Variants in TGM6 observed in about 807,000 individuals in gnomAD.
TGM6 encodes the protein protein-glutamine gamma-glutamyltransferase 6.
In TGM6, 74 loss-of-function variants were observed where a neutral mutation model predicts 77.5. The observed-to-expected ratio is 0.96, with a 90% CI of 0.79 to 1.16. The LOEUF (loss-of-function observed/expected upper bound fraction) is 1.16, where lower values mean the gene tolerates loss of function less well. Ranked by LOEUF, TGM6 falls within the 50% of genes most tolerant of loss-of-function variation. TGM6 has a pLI of 0.00. For missense variants in TGM6, 968 were observed against 940.2 expected (o/e 1.03, Z -0.39); for synonymous variants, 383 against 378.9 (o/e 1.01, Z -0.12).
At chr20:2,388,289 C>G (rs536720063) in intron 1 of TGM6, among the ~76,000 whole-genome samples, 1 of 152,140 alleles carries the variant, frequency 6.6e-6, no homozygotes, top group Non-Finnish European at 1.5e-5. Context: ...ACATTTTGAC[C>G]AGCCCTGTCC....
At chr20:2,404,972 T>A (rs1599954340) in intron 9 of TGM6, among the ~76,000 whole-genome samples, 1 of 152,354 alleles carries the variant, frequency 6.6e-6, no homozygotes, top group Middle Eastern at 3.4e-3. Context: ...TCCAGGGAGC[T>A]GTTTCAGTTA....
At chr20:2,401,521 G>C (rs796858825) in intron 7 of TGM6, among the ~76,000 whole-genome samples, 7 of 152,302 alleles carry the variant, frequency 4.6e-5, no homozygotes, top group African/African-American at 1.7e-4. Flanking sequence ...TAAATACACA[G>C]AGTTTTCCTT....
At chr20:2,402,095 A>T (rs1290805963) in intron 7 of TGM6, among the ~76,000 whole-genome samples, 1 of 151,978 alleles carries the variant, frequency 6.6e-6, no homozygotes, top group Non-Finnish European at 1.5e-5. Flanking sequence ...AATTAAAAAA[A>T]ATTAGCCGGG....
At chr20:2,391,632 C>T (rs1265793054) in intron 1 of TGM6, among the ~76,000 whole-genome samples, 7 of 152,094 alleles carry the variant, frequency 4.6e-5, no homozygotes, top group Non-Finnish European at 1.0e-4. Context: ...AGATGTTTGA[C>T]AAGATGAAGC....
In TGM6 at chr20:2,430,389, C is replaced by T. The variant is rs922718785; in HGVS notation, c.1679-57C>T. 3.1e-6 allele frequency: 5 copies of T among 1,600,100 alleles called. No individual in the cohort carries two copies. In the African/African-American group the frequency reaches 6.7e-5, roughly 21 times the overall value. ...AGTTGTGCATTCCCTTCCTTCTTCC[C>T]AGTGCCATTGAAGAAAGACATCAAG... On this transcript the variant is annotated intron_variant, in intron 10 of 12. Transcript: ENST00000202625.
intron 10 of TGM6, among the ~76,000 whole-genome samples, chr20:2,421,593 T>C (rs1474769644): frequency 6.6e-6 from 1 of 152,212 alleles, no homozygotes; most frequent in Non-Finnish European, 1.5e-5. Context: ...TTTGGTGAGG[T>C]GTCCAGGTCT....
intron 9 of TGM6, among the ~76,000 whole-genome samples, chr20:2,404,182 G>C (rs1039363444): frequency 6.6e-6 from 1 of 152,170 alleles, no homozygotes; most frequent in African/African-American, 2.4e-5. Flanking sequence ...TGAACACCTA[G>C]GACAAACGCA....
At chr20:2,424,090 T>C (rs1455634868) in intron 10 of TGM6, among the ~76,000 whole-genome samples, 1 of 152,208 alleles carries the variant, frequency 6.6e-6, no homozygotes, top group East Asian at 1.9e-4. Context: ...AGATTTAGCA[T>C]AATTCTTAAG....
chr20:2,417,020 T>C (rs1439409854), intron 9 of TGM6, among the ~76,000 whole-genome samples: 2 of 152,218 alleles, frequency 1.3e-5, no homozygotes, highest in African/African-American at 4.8e-5. Context: ...CTGAGGCTTT[T>C]GACCCAGCTC....
chr20:2,417,685 A>G, intron 10 of TGM6, 112 bp downstream of exon 10: 2 of 1,237,772 alleles, frequency 1.6e-6, no homozygotes, highest in Non-Finnish European at 2.3e-6. Context: ...AAGGAAGGGG[A>G]CATTCCTGAG....
At chr20:2,414,003 G>A (rs1484956699) in intron 9 of TGM6, among the ~76,000 whole-genome samples, 3 of 152,040 alleles carry the variant, frequency 2.0e-5, no homozygotes, top group Non-Finnish European at 4.4e-5. Context: ...AATGGATAAA[G>A]CACTCTCATC....
chr20:2,420,096 T>C (rs1210744866), intron 10 of TGM6, among the ~76,000 whole-genome samples: 1 of 152,078 alleles, frequency 6.6e-6, no homozygotes, highest in Non-Finnish European at 1.5e-5. Flanking sequence ...TACAAAAAAA[T>C]TAGCCGGGCG....
chr20:2,406,227 A>T (rs2084749395), intron 9 of TGM6, among the ~76,000 whole-genome samples: 1 of 152,158 alleles, frequency 6.6e-6, no homozygotes, highest in Non-Finnish European at 1.5e-5. Context: ...CACCTCTCTG[A>T]TAAGACCTGC....
chr20:2,421,855 G>A (rs1239379746), intron 10 of TGM6, among the ~76,000 whole-genome samples: 3 of 152,126 alleles, frequency 2.0e-5, no homozygotes, highest in Non-Finnish European at 4.4e-5. Context: ...TTACCGGCTG[G>A]ATGTGGTGGC....
At chr20:2,403,935 C>T in intron 9 of TGM6, 112 bp downstream of exon 9, 1 of 1,551,338 alleles carries the variant, frequency 6.4e-7, no homozygotes, top group Non-Finnish European at 8.8e-7. Flanking sequence ...ATGACGCTGA[C>T]AGCAGCTTCC....
intron 1 of TGM6, among the ~76,000 whole-genome samples, chr20:2,381,531 A>AT (rs1249704776): frequency 7.2e-5 from 11 of 152,296 alleles, no homozygotes; most frequent in Admixed American, 3.9e-4. Context: ...TATAATGCAA[A>AT]TTATCTCACA....
chr20:2,386,742 G>C (rs1187400043), intron 1 of TGM6, among the ~76,000 whole-genome samples: 1 of 152,086 alleles, frequency 6.6e-6, no homozygotes, highest in African/African-American at 2.4e-5. Context: ...ACCTCCTCTT[G>C]CCCGTCTGTG....
At chr20:2,391,425 T>C (rs994307633) in intron 1 of TGM6, among the ~76,000 whole-genome samples, 1 of 150,724 alleles carries the variant, frequency 6.6e-6, no homozygotes, top group Non-Finnish European at 1.5e-5. Context: ...AGGAAAGAGA[T>C]ATGTGCGACG....
Position 2,430,998 on chromosome 20 carries a change from C to A in TGM6, c.1938C>A (p.Ser646Arg), listed in dbSNP as rs140726398. Residue 646 changes from serine (S) to arginine (R), a missense_variant, in exon 12 of 13, where the codon AGC (serine) becomes AGA (arginine). Transcript: ENST00000202625. The part of the protein sequence containing the change: ...VKDCALMVEG[S>R]GLLQEQLSID... ...ACTGTGCGCTGATGGTGGAGGGCAGCGGCCTTCTCCAGGAACAGCTCAGCA... is the reference window on the plus strand; with the variant it reads ...ACTGTGCGCTGATGGTGGAGGGCAGAGGCCTTCTCCAGGAACAGCTCAGCA... 28 of 1,613,962 alleles carry A rather than the reference C, an allele frequency of 1.7e-5. No homozygotes were observed. In the South Asian group the frequency reaches 3.0e-4, roughly 17 times the overall value.
Sources: gnomAD v4.1 joint callset for allele counts (sites outside exome capture counted in the v4.1 genomes callset) on GRCh38, gnomAD v4.1.1 for gene constraint, MANE v1.5 for transcripts, NCBI Gene and HGNC (gene_info 2026-07-23, HGNC 2026-07-21) for gene names.